The following TENM2 variants were observed in gnomAD, a reference collection of about 807,000 sequenced individuals.
TENM2 encodes the protein teneurin-2.
A neutral mutation model predicts 245.2 loss-of-function variants in TENM2; 52 were observed. The observed-to-expected ratio is 0.21, with a 90% CI of 0.17 to 0.27. The LOEUF is 0.27. TENM2 is among the 10% of genes least tolerant of loss of function. The pLI is 1.00. For missense variants in TENM2, 3,046 were observed against 3,666.8 expected (o/e 0.83, Z 4.37); for synonymous variants, 1,363 against 1,438.9 (o/e 0.95, Z 1.19).
At chr5:168,128,627 G>C (rs1211905847) in intron 12 of TENM2, among the ~76,000 whole-genome samples, 1 of 152,220 alleles carries the variant, frequency 6.6e-6, no homozygotes, top group Non-Finnish European at 1.5e-5. Flanking sequence ...TCTTTACTTT[G>C]GAAATAGCTC....
intron 2 of TENM2, among the ~76,000 whole-genome samples, chr5:167,543,119 C>G (rs1287111089): frequency 6.6e-6 from 1 of 152,190 alleles, no homozygotes; most frequent in East Asian, 1.9e-4. Context: ...TCTAAGCTGG[C>G]TTCCAGGTGA....
At chr5:167,442,419 T>A (rs1293848696) in intron 2 of TENM2, among the ~76,000 whole-genome samples, 1 of 152,174 alleles carries the variant, frequency 6.6e-6, no homozygotes, top group Non-Finnish European at 1.5e-5. Context: ...GGATTCTAGA[T>A]TATAGAACAG....
chr5:168,172,386 C>T (rs1460779846), intron 13 of TENM2, among the ~76,000 whole-genome samples: 1 of 152,190 alleles, frequency 6.6e-6, no homozygotes, highest in African/African-American at 2.4e-5. Context: ...AGGGCCAGGC[C>T]CTTGCTAAAA....
chr5:167,225,850 T>C, the TENM2 span, among the ~76,000 whole-genome samples: 1 of 152,046 alleles, frequency 6.6e-6, no homozygotes, highest in African/African-American at 2.4e-5. Context: ...CTACTTGCTA[T>C]TGGTCTGTTT....
chr5:167,251,870 A>G, the TENM2 span, among the ~76,000 whole-genome samples: 1 of 152,178 alleles, frequency 6.6e-6, no homozygotes. Flanking sequence ...CAATCCTCTC[A>G]AAGGCCTGAA....
At chr5:168,041,951 G>C (rs1361253241) in intron 5 of TENM2, among the ~76,000 whole-genome samples, 1 of 152,166 alleles carries the variant, frequency 6.6e-6, no homozygotes, top group African/African-American at 2.4e-5. Context: ...GCAAGTTCAG[G>C]GTAAGCAGTT....
chr5:167,601,182 C>A (rs558325927), intron 2 of TENM2, among the ~76,000 whole-genome samples: 254 of 152,338 alleles, frequency 1.7e-3, no homozygotes, highest in African/African-American at 5.7e-3. Context: ...TTGTTCTTTA[C>A]TCCTGGTATA....
intron 7 of TENM2, among the ~76,000 whole-genome samples, chr5:168,082,042 A>C (rs936314690): frequency 1.3e-5 from 2 of 152,162 alleles, no homozygotes; most frequent in African/African-American, 4.8e-5. Flanking sequence ...ACTTGGTTCC[A>C]TTCTGCCTGT....
chr5:168,099,256 C>T (rs1793616881), intron 9 of TENM2, among the ~76,000 whole-genome samples: 2 of 152,060 alleles, frequency 1.3e-5, no homozygotes, highest in Admixed American at 1.3e-4. Context: ...TGATTTTCCA[C>T]CCACCAATAG....
At chr5:167,076,533 C>T in the TENM2 span, among the ~76,000 whole-genome samples, 15 of 152,210 alleles carry the variant, frequency 9.9e-5, no homozygotes, top group East Asian at 1.5e-3. Context: ...CCTGCTGTGG[C>T]GTGATGTGTG....
chr5:168,203,112 A>T (rs1762065876), intron 17 of TENM2, among the ~76,000 whole-genome samples: 2 of 152,108 alleles, frequency 1.3e-5, no homozygotes, highest in Non-Finnish European at 2.9e-5. Context: ...TCCCCATTGA[A>T]TCCCCATGTA....
the TENM2 span, among the ~76,000 whole-genome samples, chr5:167,196,661 G>T: frequency 2.0e-5 from 3 of 151,150 alleles, no homozygotes; most frequent in South Asian, 6.3e-4. Context: ...TGCGTTTATG[G>T]ATTCAACCAA....
intron 2 of TENM2, among the ~76,000 whole-genome samples, chr5:167,612,626 A>G (rs1777549485): frequency 6.6e-6 from 1 of 152,152 alleles, no homozygotes; most frequent in Non-Finnish European, 1.5e-5. Flanking sequence ...TGTCATTTTT[A>G]CACCCTTCAT....
intron 2 of TENM2, among the ~76,000 whole-genome samples, chr5:167,694,158 T>TAAG (rs1483395835): frequency 6.6e-6 from 1 of 152,186 alleles, no homozygotes; most frequent in Non-Finnish European, 1.5e-5. Context: ...TCCTCTGCAC[T>TAAG]TATCCAGCTC....
chr5:167,405,769 A>AAC (rs149621688), intron 2 of TENM2, among the ~76,000 whole-genome samples: 60,621 of 145,106 alleles, frequency 0.42, 13,070 homozygotes, highest in Non-Finnish European at 0.49. Context: ...CACACACACA[A>AAC]ACACACACAC....
chr5:167,416,244 A>G (rs1763161965), intron 2 of TENM2, among the ~76,000 whole-genome samples: 1 of 152,198 alleles, frequency 6.6e-6, no homozygotes, highest in Non-Finnish European at 1.5e-5. Flanking sequence ...TCCTTTAAAT[A>G]GATTTATATG....
intron 12 of TENM2, among the ~76,000 whole-genome samples, chr5:168,146,859 G>T (rs576528331): frequency 6.6e-5 from 10 of 152,300 alleles, no homozygotes; most frequent in African/African-American, 2.4e-4. Flanking sequence ...ATTGCACTTT[G>T]CCCCCAGGTA....
At chr5:167,274,584 T>C in the TENM2 span, among the ~76,000 whole-genome samples, 1 of 148,784 alleles carries the variant, frequency 6.7e-6, no homozygotes, top group East Asian at 2.0e-4. Flanking sequence ...TTTCTTTCTT[T>C]CTTTTTTTTT....
chr5:167,886,807 G>A (rs73803259), intron 3 of TENM2, among the ~76,000 whole-genome samples: 1 of 152,182 alleles, frequency 6.6e-6, no homozygotes, highest in Non-Finnish European at 1.5e-5. Flanking sequence ...AATAGTAGCT[G>A]TTTACTTCTC....
Sources: allele counts gnomAD v4.1 joint callset (sites outside exome capture counted in the v4.1 genomes callset), GRCh38; gene constraint gnomAD v4.1.1; transcripts MANE v1.5; gene names NCBI Gene and HGNC (gene_info 2026-07-23, HGNC 2026-07-21).